The following GABRG3 variants were observed in gnomAD, a reference collection of about 807,000 sequenced individuals.
GABRG3 encodes the protein gamma-aminobutyric acid receptor subunit gamma-3.
Under a neutral mutation model 48.8 loss-of-function variants are expected in GABRG3, and 25 were observed. The observed-to-expected ratio is 0.51, with a 90% confidence interval of 0.37 to 0.72. GABRG3 has a LOEUF of 0.72. Among genes scored for constraint, GABRG3 ranks in the 30% least tolerant of loss-of-function variants. The pLI is 0.00. For missense variants in GABRG3, 394 were observed against 577.9 expected (o/e 0.68, Z 3.26); for synonymous variants, 227 against 217.6 (o/e 1.04, Z -0.38).
Position 27,117,921 on chromosome 15 carries a change from A to G in GABRG3, c.270+91100A>G, listed in dbSNP as rs535700962. ...TTTACAAATAAGGAAACTTAAGTGT[A>G]AAGGGGGTAAGTAACATAACATGCA... On this transcript the variant is annotated intron_variant, in intron 3 of 9. Coordinates refer to ENST00000615808, the MANE Select transcript of GABRG3 (RefSeq NM_033223.5). 2.0e-5 allele frequency among the ~76,000 whole-genome samples: 3 copies of G among 152,276 alleles called. No homozygotes were observed. In the East Asian group the frequency reaches 5.8e-4, roughly 30 times the overall value.
intron 3 of GABRG3, among the ~76,000 whole-genome samples, chr15:27,143,335 C>G (rs1385719613): frequency 6.6e-6 from 1 of 152,158 alleles, no homozygotes; most frequent in African/African-American, 2.4e-5. Context: ...CTGCCTTAGC[C>G]TCTCTAAGCA....
At chr15:27,320,859 A>G (rs1291118678) in intron 3 of GABRG3, among the ~76,000 whole-genome samples, 33 of 152,330 alleles carry the variant, frequency 2.2e-4, no homozygotes, top group Non-Finnish European at 1.5e-5. Flanking sequence ...AATAATTTAT[A>G]TTAATGTTAT....
chr15:27,254,202 G>A lies in GABRG3; in HGVS notation c.271-72607G>A, dbSNP rs570819302. On this transcript the variant is annotated intron_variant, in intron 3 of 9. Transcript: ENST00000615808. Reference sequence around the variant, plus strand: ...TCAGCGGCTCCACACACTAACAGGCGCCCCTGGAGATATGCCAGGTGGGGA... The same window carrying A: ...TCAGCGGCTCCACACACTAACAGGCACCCCTGGAGATATGCCAGGTGGGGA... Among the ~76,000 whole-genome samples the A allele has an allele frequency of 1.4e-3, 215 of 152,260 alleles. 3 individuals carry two copies. The highest frequency in any genetic ancestry group is 4.8e-3 in the African/African-American group (199 of 41,548).
chr15:27,250,587 C>A (rs886163520), intron 3 of GABRG3, among the ~76,000 whole-genome samples: 1 of 152,104 alleles, frequency 6.6e-6, no homozygotes, highest in East Asian at 1.9e-4. Flanking sequence ...CCACCATGCC[C>A]AGCTAATTTT....
intron 3 of GABRG3, among the ~76,000 whole-genome samples, chr15:27,077,205 T>C (rs984848111): frequency 6.6e-6 from 1 of 152,196 alleles, no homozygotes; most frequent in African/African-American, 2.4e-5. Flanking sequence ...GGGAGCACCC[T>C]GCATGCCCAG....
At chr15:27,268,171 GT>G (rs1361604850) in intron 3 of GABRG3, among the ~76,000 whole-genome samples, 1 of 152,020 alleles carries the variant, frequency 6.6e-6, no homozygotes, top group African/African-American at 2.4e-5. Flanking sequence ...TTGACATGGA[GT>G]TTTTTTATGG....
chr15:27,042,142 A>C (rs968845628), intron 3 of GABRG3, among the ~76,000 whole-genome samples: 1 of 152,206 alleles, frequency 6.6e-6, no homozygotes, highest in Non-Finnish European at 1.5e-5. Flanking sequence ...GTCTGGCTGG[A>C]TGCAAGCGGC....
At chr15:27,454,154 A>T (rs1339010404) in intron 5 of GABRG3, among the ~76,000 whole-genome samples, 2 of 152,222 alleles carry the variant, frequency 1.3e-5, no homozygotes. Context: ...ATGTGACTCC[A>T]GTATGTGCCT....
chr15:27,493,715 A>G (rs1457654538), intron 6 of GABRG3, among the ~76,000 whole-genome samples: 1 of 152,248 alleles, frequency 6.6e-6, no homozygotes. Context: ...TATTAGTTAT[A>G]TTCTTCAATT....
chr15:27,255,515 C>G (rs1792228192), intron 3 of GABRG3, among the ~76,000 whole-genome samples: 1 of 152,234 alleles, frequency 6.6e-6, no homozygotes, highest in Non-Finnish European at 1.5e-5. Flanking sequence ...CCTGTTCTCA[C>G]AGTTACCATT....
intron 3 of GABRG3, among the ~76,000 whole-genome samples, chr15:27,186,900 C>T (rs988946844): frequency 3.3e-5 from 5 of 152,060 alleles, no homozygotes; most frequent in African/African-American, 7.2e-5. Context: ...GATAGTTTCT[C>T]TTGCTGTGCA....
intron 3 of GABRG3, among the ~76,000 whole-genome samples, chr15:27,083,870 A>G (rs1440698859): frequency 6.6e-6 from 1 of 152,156 alleles, no homozygotes; most frequent in Non-Finnish European, 1.5e-5. Context: ...CTCTTTCTTT[A>G]TATTTCTTCA....
intron 3 of GABRG3, among the ~76,000 whole-genome samples, chr15:27,258,562 C>G (rs548460934): frequency 2.6e-4 from 40 of 152,220 alleles, no homozygotes; most frequent in Non-Finnish European, 5.1e-4. Context: ...GCTCTGAGAC[C>G]AAAGCAAAAG....
At chr15:27,069,025 C>T (rs1210076022) in intron 3 of GABRG3, among the ~76,000 whole-genome samples, 2 of 152,122 alleles carry the variant, frequency 1.3e-5, no homozygotes, top group Admixed American at 6.5e-5. Context: ...GCAAATGGGA[C>T]CCTAAATCCC....
intron 3 of GABRG3, among the ~76,000 whole-genome samples, chr15:27,149,928 A>G (rs2140395757): frequency 6.6e-6 from 1 of 152,354 alleles, no homozygotes. Context: ...AGAATTTAAC[A>G]TATAATACTA....
At chr15:26,989,947 T>A (rs755083302) in intron 2 of GABRG3, among the ~76,000 whole-genome samples, 23 of 152,226 alleles carry the variant, frequency 1.5e-4, no homozygotes, top group Non-Finnish European at 2.9e-4. Flanking sequence ...GCATTGCAAA[T>A]GACAGGATCT....
chr15:27,205,288 G>T (rs1566964631), intron 3 of GABRG3, among the ~76,000 whole-genome samples: 2 of 151,830 alleles, frequency 1.3e-5, no homozygotes, highest in Admixed American at 6.6e-5. Flanking sequence ...TTTACAGAAA[G>T]TTTTTTTGTC....
chr15:27,342,659 A>G (rs1894224673), intron 5 of GABRG3, among the ~76,000 whole-genome samples: 1 of 152,238 alleles, frequency 6.6e-6, no homozygotes, highest in African/African-American at 2.4e-5. Flanking sequence ...ATTCTTCATC[A>G]GAGTATTGTG....
intron 5 of GABRG3, among the ~76,000 whole-genome samples, chr15:27,346,894 T>C (rs1894392585): frequency 1.3e-5 from 2 of 152,228 alleles, no homozygotes; most frequent in Admixed American, 1.3e-4. Flanking sequence ...TTTAAATTGG[T>C]TGTCTAATAA....
Sources: allele counts gnomAD v4.1 joint callset (sites outside exome capture counted in the v4.1 genomes callset), GRCh38; gene constraint gnomAD v4.1.1; transcripts MANE v1.5; gene names NCBI Gene and HGNC (gene_info 2026-07-23, HGNC 2026-07-21).